Variants in CDH23 observed in about 807,000 individuals in gnomAD.
CDH23 encodes the protein cadherin related 23, also known as cadherin-23.
A neutral mutation model predicts 317.1 loss-of-function variants in CDH23; 189 were observed. The observed-to-expected ratio is 0.60, with a 90% confidence interval of 0.53 to 0.67. The LOEUF (loss-of-function observed/expected upper bound fraction) is 0.67, where lower values mean the gene tolerates loss of function less well. CDH23 is among the 30% of genes least tolerant of loss of function. The probability of loss-of-function intolerance (pLI) is 0.00; values close to 1 mark genes in which losing one functional copy is unlikely to be tolerated. For synonymous variants in CDH23, 1,839 were observed against 1,876.8 expected (o/e 0.98, Z 0.52); for missense variants, 4,401 against 4,592.4 (o/e 0.96, Z 1.20).
intron 3 of CDH23, among the ~76,000 whole-genome samples, chr10:71,501,457 G>A (rs1180886263): frequency 6.6e-6 from 1 of 152,116 alleles, no homozygotes; most frequent in Non-Finnish European, 1.5e-5. Context: ...GACAGTGAGG[G>A]CGTCGATCAG....
intron 30 of CDH23, among the ~76,000 whole-genome samples, chr10:71,727,726 AC>A (rs1866881867): frequency 6.6e-6 from 1 of 151,954 alleles, no homozygotes; most frequent in Admixed American, 6.5e-5. Flanking sequence ...AACCACTAGC[AC>A]CCCATTTTGC....
chr10:71,529,736 C>T (rs1177016648), intron 6 of CDH23, among the ~76,000 whole-genome samples: 2 of 152,230 alleles, frequency 1.3e-5, no homozygotes, highest in East Asian at 3.9e-4. Flanking sequence ...TACTCGCCCC[C>T]AGCTCCACCT....
intron 27 of CDH23, 22 bp from the exon 28 acceptor site, chr10:71,712,643 T>C: frequency 6.2e-7 from 1 of 1,612,026 alleles, no homozygotes; most frequent in Non-Finnish European, 8.5e-7. Context: ...TGCTAACACC[T>C]GTCTTCCTTC....
chr10:71,501,713 G>A (rs966415085), intron 3 of CDH23, among the ~76,000 whole-genome samples: 9 of 152,356 alleles, frequency 5.9e-5, no homozygotes, highest in Admixed American at 2.6e-4. Flanking sequence ...TAACTGGCCT[G>A]TCTGATCCCA....
At chr10:71,493,881 A>G (rs902080353) in intron 3 of CDH23, among the ~76,000 whole-genome samples, 5 of 152,230 alleles carry the variant, frequency 3.3e-5, no homozygotes, top group African/African-American at 1.2e-4. Context: ...TAGAATATTC[A>G]TAAGATCTCT....
intron 6 of CDH23, among the ~76,000 whole-genome samples, chr10:71,541,474 A>C (rs1420171162): frequency 6.6e-6 from 1 of 152,246 alleles, no homozygotes; most frequent in Non-Finnish European, 1.5e-5. Flanking sequence ...CAGGTCCCAG[A>C]GCTGCAGGCT....
At chr10:71,667,283 G>A (rs1270694445) in intron 14 of CDH23, among the ~76,000 whole-genome samples, 1 of 152,224 alleles carries the variant, frequency 6.6e-6, no homozygotes, top group Admixed American at 6.5e-5. Flanking sequence ...GGGAGGGGGT[G>A]TGGAGGAGAC....
intron 57 of CDH23, 95 bp from the exon 58 acceptor site, chr10:71,807,182 G>C: frequency 6.8e-7 from 1 of 1,476,014 alleles, no homozygotes; most frequent in Non-Finnish European, 9.2e-7. Context: ...AACTCCCTCA[G>C]CACCTACAAA....
chr10:71,596,460 G>A (rs1228917501), intron 9 of CDH23, among the ~76,000 whole-genome samples: 2 of 152,146 alleles, frequency 1.3e-5, no homozygotes, highest in Non-Finnish European at 2.9e-5. Flanking sequence ...TGCAGACCCT[G>A]CCTCTACTAT....
At chr10:71,679,550 A>G in intron 17 of CDH23, 58 bp downstream of exon 17, 3 of 1,287,800 alleles carry the variant, frequency 2.3e-6, no homozygotes, top group Non-Finnish European at 3.3e-6. Flanking sequence ...GGCTCTCTGC[A>G]CTCACACCTC....
At chr10:71,790,650 C>A in intron 46 of CDH23, 2 of 565,376 alleles carry the variant, frequency 3.5e-6, no homozygotes, top group East Asian at 6.2e-5. Context: ...CACGAACTCT[C>A]AGCCTGGGCC....
rs1413573955 is a variant in CDH23 at position 71,759,882 on chromosome 10, C to CATAT, written c.4846-17797_4846-17796insTATA. Among the ~76,000 whole-genome samples, 25 of 63,830 alleles carry CATAT rather than the reference C, an allele frequency of 3.9e-4. 3 individuals carry two copies. The East Asian group carries it at 6.3e-3, about 16-fold the overall frequency. The allele number at this position is 63,830 out of a possible 152,430, so 41.9% of individuals were successfully genotyped here. On this transcript the variant is annotated intron_variant, in intron 38 of 69. Coordinates refer to ENST00000224721, the MANE Select transcript of CDH23 (RefSeq NM_022124.6). ...ACACACACATATATATACACACACA[C>CATAT]ACATATACACACACACATATATACA...
intron 48 of CDH23, 102 bp from the exon 49 acceptor site, chr10:71,797,002 A>G (rs899089153): frequency 1.4e-5 from 10 of 727,418 alleles, no homozygotes; most frequent in South Asian, 3.0e-5. Flanking sequence ...GGGGACCGTC[A>G]TCCTTTGTGG....
intron 14 of CDH23, among the ~76,000 whole-genome samples, chr10:71,672,594 G>T (rs74590868): frequency 1.3e-5 from 2 of 152,258 alleles, no homozygotes; most frequent in African/African-American, 4.8e-5. Context: ...GCCTGGGCAG[G>T]CAGTGAGAGG....
chr10:71,586,041 C>A (rs75243419), intron 9 of CDH23, among the ~76,000 whole-genome samples: 119 of 152,342 alleles, frequency 7.8e-4, no homozygotes, highest in Non-Finnish European at 1.5e-3. Flanking sequence ...TGTGGAAACA[C>A]CCTCAAGGCC....
intron 1 of CDH23, among the ~76,000 whole-genome samples, chr10:71,435,441 G>A (rs562640949): frequency 6.6e-5 from 10 of 152,306 alleles, no homozygotes; most frequent in Admixed American, 6.5e-5. Flanking sequence ...CACTGTGCCT[G>A]GCACAAAGTT....
intron 6 of CDH23, among the ~76,000 whole-genome samples, chr10:71,514,903 C>T (rs759715808): frequency 8.5e-5 from 13 of 152,228 alleles, no homozygotes; most frequent in Non-Finnish European, 1.6e-4. Context: ...ACTTTTATGG[C>T]GTTCCAATTT....
At chr10:71,506,493 A>T (rs116132760) in intron 3 of CDH23, among the ~76,000 whole-genome samples, 2 of 152,190 alleles carry the variant, frequency 1.3e-5, no homozygotes, top group Non-Finnish European at 2.9e-5. Context: ...CCTGTGTGGC[A>T]TGTGTACCCC....
chr10:71,443,672 G>C (rs1850009917), intron 2 of CDH23, among the ~76,000 whole-genome samples: 1 of 152,238 alleles, frequency 6.6e-6, no homozygotes, highest in Non-Finnish European at 1.5e-5. Context: ...TTGGGACAGA[G>C]AGAGGGGTCC....
Sources: allele counts gnomAD v4.1 joint callset (sites outside exome capture counted in the v4.1 genomes callset), GRCh38; gene constraint gnomAD v4.1.1; transcripts MANE v1.5; gene names NCBI Gene and HGNC (gene_info 2026-07-23, HGNC 2026-07-21).